Variants in PPARGC1A observed in about 807,000 individuals in gnomAD.
The protein encoded by PPARGC1A is PPARG coactivator 1 alpha, also known as peroxisome proliferator-activated receptor gamma coactivator 1-alpha.
Under a neutral mutation model 88.7 loss-of-function variants are expected in PPARGC1A, and 25 were observed. The ratio of observed to expected loss-of-function variants is 0.28; its 90% CI spans 0.21 to 0.39. The LOEUF (loss-of-function observed/expected upper bound fraction) is 0.39. Ranked by LOEUF, PPARGC1A falls within the 10% of genes least tolerant of loss-of-function variation. The probability of loss-of-function intolerance (pLI) is 1.00; values close to 1 mark genes in which losing one functional copy is unlikely to be tolerated. For synonymous variants in PPARGC1A, 363 were observed against 355.6 expected (o/e 1.02, Z -0.24); for missense variants, 880 against 968.7 (o/e 0.91, Z 1.22).
the PPARGC1A span, among the ~76,000 whole-genome samples, chr4:24,335,590 C>A: frequency 6.4e-4 from 97 of 152,314 alleles, 1 homozygote; most frequent in Middle Eastern, 6.8e-3. Flanking sequence ...AAAGCCACCC[C>A]CGAAAAGTTT....
the PPARGC1A span, among the ~76,000 whole-genome samples, chr4:23,958,107 GA>G: frequency 6.6e-6 from 1 of 152,078 alleles, no homozygotes; most frequent in Non-Finnish European, 1.5e-5. Context: ...TTGGAGGAAT[GA>G]AACTTTTACT....
the PPARGC1A span, among the ~76,000 whole-genome samples, chr4:24,194,671 C>CAT: frequency 8.8e-5 from 13 of 148,076 alleles, no homozygotes; most frequent in African/African-American, 3.2e-4. Flanking sequence ...CACACACACC[C>CAT]CCATCAAGAA....
chr4:23,932,045 A>G, the PPARGC1A span, among the ~76,000 whole-genome samples: 2 of 152,232 alleles, frequency 1.3e-5, no homozygotes, highest in African/African-American at 4.8e-5. Flanking sequence ...GTAATTTGTA[A>G]CAGGAGTTGC....
chr4:23,947,397 A>ATATAT, the PPARGC1A span, among the ~76,000 whole-genome samples: 12 of 12,242 alleles, frequency 9.8e-4, no homozygotes, highest in South Asian at 3.4e-3. Flanking sequence ...ATATATATAT[A>ATATAT]AAAAAAACGG....
the PPARGC1A span, among the ~76,000 whole-genome samples, chr4:24,219,443 C>G: frequency 6.6e-6 from 1 of 152,188 alleles, no homozygotes; most frequent in Non-Finnish European, 1.5e-5. Context: ...CTAGCTTGCC[C>G]TGAATTCTTC....
chr4:23,799,224 G>C (rs1718194998), intron 12 of PPARGC1A, among the ~76,000 whole-genome samples: 1 of 152,078 alleles, frequency 6.6e-6, no homozygotes, highest in South Asian at 2.1e-4. Context: ...CAAGACACAG[G>C]AAAAATGTTT....
At chr4:24,233,630 A>G in the PPARGC1A span, among the ~76,000 whole-genome samples, 1 of 150,384 alleles carries the variant, frequency 6.6e-6, no homozygotes, top group Admixed American at 6.6e-5. Flanking sequence ...ACATATACAC[A>G]CCCAAGGTTT....
At chr4:23,907,820 C>T (rs376378050), upstream of PPARGC1A, among the ~76,000 whole-genome samples, 3 of 152,148 alleles carry the variant, frequency 2.0e-5, no homozygotes, top group East Asian at 5.8e-4. Flanking sequence ...TAAATGCACA[C>T]ATTAAGATTT....
the PPARGC1A span, among the ~76,000 whole-genome samples, chr4:24,078,387 A>C: frequency 1.3e-5 from 2 of 152,086 alleles, no homozygotes; most frequent in Admixed American, 6.6e-5. Context: ...AAGAGAAGAG[A>C]GAAACTGGGG....
chr4:24,420,183 G>A, the PPARGC1A span, among the ~76,000 whole-genome samples: 5 of 152,146 alleles, frequency 3.3e-5, no homozygotes, highest in South Asian at 2.1e-4. Context: ...GAGACTTAAC[G>A]TGGGGATACA....
chr4:24,182,526 C>A, the PPARGC1A span, among the ~76,000 whole-genome samples: 1 of 152,118 alleles, frequency 6.6e-6, no homozygotes, highest in African/African-American at 2.4e-5. Context: ...AATGGGATTG[C>A]TGGGTCAAAT....
At chr4:24,035,648 T>C in the PPARGC1A span, among the ~76,000 whole-genome samples, 3 of 152,148 alleles carry the variant, frequency 2.0e-5, no homozygotes, top group Non-Finnish European at 4.4e-5. Flanking sequence ...CTTAAACCAA[T>C]GTTTCCCAAA....
the PPARGC1A span, among the ~76,000 whole-genome samples, chr4:23,982,021 GACTCAC>G: frequency 6.6e-6 from 1 of 152,078 alleles, no homozygotes; most frequent in Non-Finnish European, 1.5e-5. Flanking sequence ...AAGAAGTTTT[GACTCAC>G]ACACATCAAG....
the PPARGC1A span, among the ~76,000 whole-genome samples, chr4:24,102,542 A>G: frequency 6.6e-6 from 1 of 152,366 alleles, no homozygotes. Context: ...AGCAGCTGAC[A>G]TGTTAAGTCT....
the PPARGC1A span, among the ~76,000 whole-genome samples, chr4:24,376,130 C>T: frequency 6.6e-6 from 1 of 152,124 alleles, no homozygotes; most frequent in Non-Finnish European, 1.5e-5. Context: ...GGGAAATTAT[C>T]ATTAAAGATT....
chr4:24,287,122 T>C, the PPARGC1A span, among the ~76,000 whole-genome samples: 1 of 151,900 alleles, frequency 6.6e-6, no homozygotes, highest in Non-Finnish European at 1.5e-5. Context: ...GCCAGGGCTG[T>C]CCTGTGCATT....
At chr4:24,077,545 GT>G in the PPARGC1A span, among the ~76,000 whole-genome samples, 3,484 of 143,938 alleles carry the variant, frequency 0.024, 123 homozygotes, top group African/African-American at 0.069. Flanking sequence ...CATAGGAACT[GT>G]TTTTTTTTTC....
the PPARGC1A span, among the ~76,000 whole-genome samples, chr4:24,088,253 G>A: frequency 6.6e-6 from 1 of 152,122 alleles, no homozygotes; most frequent in Non-Finnish European, 1.5e-5. Flanking sequence ...TACTCAGGAG[G>A]CTGAAGTGGG....
chr4:24,004,403 C>T, the PPARGC1A span, among the ~76,000 whole-genome samples: 1 of 152,194 alleles, frequency 6.6e-6, no homozygotes, highest in Admixed American at 6.5e-5. Context: ...AGATCAAAGT[C>T]CACATCAGTT....
Sources: allele counts gnomAD v4.1 joint callset (sites outside exome capture counted in the v4.1 genomes callset), GRCh38; gene constraint gnomAD v4.1.1; transcripts MANE v1.5; gene names NCBI Gene and HGNC (gene_info 2026-07-23, HGNC 2026-07-21).